Variants in DTL observed in about 807,000 individuals in gnomAD.
The protein encoded by DTL is denticleless E3 ubiquitin protein ligase adapter.
In DTL, 46 loss-of-function variants were observed where a neutral mutation model predicts 87.0. The ratio of observed to expected loss-of-function variants is 0.53; its 90% CI spans 0.42 to 0.68. DTL has a LOEUF of 0.68. DTL is among the 30% of genes least tolerant of loss of function. The pLI, the probability that DTL is intolerant of heterozygous loss-of-function variation, is 0.00. For missense variants in DTL, 737 were observed against 869.4 expected (o/e 0.85, Z 1.91); for synonymous variants, 308 against 311.2 (o/e 0.99, Z 0.11).
Position 212,101,058 on chromosome 1 carries a change from C to T in DTL, c.2068C>T (p.Gln690Ter), listed in dbSNP as rs924804562. Residue 690 changes from glutamine to a stop codon, truncating the protein, a stop_gained, in exon 14 of 15, where the codon CAG becomes TAG. Coordinates refer to ENST00000366991, the MANE Select transcript of DTL (RefSeq NM_016448.4). LOFTEE classifies it high-confidence loss of function. ...PSSQTPNSRRQSGKKLPSPVT... is the reference protein window; with the variant it reads ...PSSQTPNSRR ...ATCCCAGACACCCAATTCCAGGAGA[C>T]AGAGCGGAAAGAAATTGCCAAGCCC... 1 of 1,611,046 alleles carries T rather than the reference C, an allele frequency of 6.2e-7. No individual in the cohort carries two copies. Among genetic ancestry groups the T allele is most frequent in the Non-Finnish European group, 8.5e-7 (1 of 1,178,644 alleles).
chr1:212,093,337 G>A lies in DTL; in HGVS notation c.1262-6915G>A, dbSNP rs890494650. ...TCTTTTAGTTTTGCTGTCTATAGGCGGCTTGTGTTAACCAGCTCTATTAGA... is the reference window on the plus strand; with the variant it reads ...TCTTTTAGTTTTGCTGTCTATAGGCAGCTTGTGTTAACCAGCTCTATTAGA... On this transcript the variant is annotated intron_variant, in intron 13 of 14. Transcript: ENST00000366991. Among the ~76,000 whole-genome samples, 264 of 152,272 alleles carry A rather than the reference G, an allele frequency of 1.7e-3. 5 individuals are homozygous for A. Among genetic ancestry groups the A allele is most frequent in the Non-Finnish European group, 4.1e-4 (28 of 68,020 alleles).
intron 13 of DTL, among the ~76,000 whole-genome samples, chr1:212,097,854 G>A (rs564103950): frequency 6.6e-6 from 1 of 152,178 alleles, no homozygotes; most frequent in Non-Finnish European, 1.5e-5. Context: ...GGTGGACTAT[G>A]TCAGAAGAAA....
In DTL at chr1:212,104,735, A is replaced by G. The variant is rs921310666; in HGVS notation, c.*1795A>G. 4 of 152,200 alleles carry G rather than the reference A, an allele frequency of 2.6e-5. No homozygotes were observed. Among genetic ancestry groups the G allele is most frequent in the African/African-American group, 9.7e-5 (4 of 41,448 alleles). The allele number at this position is 152,200 out of a possible 1,614,324, so 9.4% of individuals were successfully genotyped here. A position where few individuals can be genotyped will look rare whatever the true frequency, so the allele number is the denominator to read the frequency against. ...TGGGTATAACATGTCTCACTTGGAA[A>G]GCTAGTACTTTTAAATGGGTGCCAA... On this transcript the variant is annotated 3_prime_UTR_variant, in exon 15 of 15. Coordinates refer to ENST00000366991, the MANE Select transcript of DTL (RefSeq NM_016448.4).
intron 3 of DTL, 59 bp downstream of exon 3, chr1:212,044,817 T>A: frequency 2.1e-6 from 2 of 972,202 alleles, no homozygotes; most frequent in Non-Finnish European, 3.3e-6. Flanking sequence ...CATCCTCAAG[T>A]ATATTATTAT....
intron 5 of DTL, among the ~76,000 whole-genome samples, chr1:212,054,180 G>C (rs1668085940): frequency 6.6e-6 from 1 of 152,038 alleles, no homozygotes; most frequent in South Asian, 2.1e-4. Context: ...TATGGTACAG[G>C]GGTCAGCCAG....
intron 5 of DTL, among the ~76,000 whole-genome samples, chr1:212,048,478 A>T (rs892715887): frequency 3.3e-5 from 5 of 152,212 alleles, no homozygotes; most frequent in African/African-American, 1.2e-4. Context: ...GGCATGAGCC[A>T]CCACACCCGG....
chr1:212,086,823 C>T (rs1451536165), intron 13 of DTL, among the ~76,000 whole-genome samples: 7 of 152,246 alleles, frequency 4.6e-5, no homozygotes, highest in Middle Eastern at 3.4e-3. Context: ...GGGGTTTTTT[C>T]CTCCCTGAAT....
chr1:212,075,864 C>T (rs991077918), intron 11 of DTL, among the ~76,000 whole-genome samples: 2 of 152,178 alleles, frequency 1.3e-5, no homozygotes, highest in African/African-American at 4.8e-5. Flanking sequence ...TGTCCTTTAA[C>T]AGTCACTCTC....
chr1:212,050,446 G>A (rs1667933619), intron 5 of DTL, among the ~76,000 whole-genome samples: 2 of 152,206 alleles, frequency 1.3e-5, no homozygotes, highest in Admixed American at 6.5e-5. Context: ...AACTTCTAGT[G>A]GATAATTAAA....
In DTL at chr1:212,063,059, A is replaced by G. The variant is rs192404234; in HGVS notation, c.526+110A>G. 68 of 798,274 alleles carry G rather than the reference A, an allele frequency of 8.5e-5. No individual in the cohort carries two copies. In the African/African-American group the frequency reaches 8.5e-4, roughly 10 times the overall value. The allele number at this position is 798,274 out of a possible 1,614,324, so 49.4% of individuals were successfully genotyped here. A position where few individuals can be genotyped will look rare whatever the true frequency, so the allele number is the denominator to read the frequency against. ...TTACCACCAGGGGGCATGTACTCAT[A>G]ATTTCCCATTTCTGCTCACTGTTCC... On this transcript the variant is annotated intron_variant, in intron 6 of 14. Transcript: ENST00000366991.
intron 13 of DTL, among the ~76,000 whole-genome samples, chr1:212,083,172 G>A (rs1558086633): frequency 1.3e-5 from 2 of 152,196 alleles, no homozygotes; most frequent in South Asian, 2.1e-4. Flanking sequence ...ATGGCAGAAG[G>A]CAAGGAGGAG....
intron 7 of DTL, among the ~76,000 whole-genome samples, chr1:212,066,017 A>G (rs1318160310): frequency 3.9e-5 from 6 of 152,358 alleles, no homozygotes; most frequent in African/African-American, 1.2e-4. Context: ...ATTTGACAAA[A>G]TATTGTTAAA....
rs758170384 is a variant in DTL, at chr1:212,072,099, A to T, written c.923-2A>T. 1.2e-6 allele frequency: 2 copies of T among 1,612,648 alleles called. No individual in the cohort carries two copies. Among genetic ancestry groups the T allele is most frequent in the Non-Finnish European group, 1.7e-6 (2 of 1,178,834 alleles). On this transcript the variant is annotated splice_acceptor_variant, in intron 10 of 14. Transcript: ENST00000366991. LOFTEE classifies it high-confidence loss of function. ...AGTAATTTGGTTTTTTTCCTCTGGC[A>T]GTGGCTATTTTCAATGGACACCAGA...
At chr1:212,054,812 AAGG>A (rs1163009324) in intron 5 of DTL, among the ~76,000 whole-genome samples, 4 of 151,732 alleles carry the variant, frequency 2.6e-5, no homozygotes, top group Non-Finnish European at 5.9e-5. Context: ...AAAAAAAAAA[AAGG>A]AGGAAAGTGG....
chr1:212,100,834 G>GT lies in DTL; in HGVS notation c.1845dup (p.Thr616TyrfsTer33). Reference sequence around the variant, plus strand: ...AAATCAAGCAAAATTGAAGGAGCTGGTACCAGTATCTCAGAGCCTCCGTCT... The same window carrying GT: ...AAATCAAGCAAAATTGAAGGAGCTGGTTACCAGTATCTCAGAGCCTCCGTCT... On this transcript the variant is annotated frameshift_variant, in exon 14 of 15. Coordinates refer to ENST00000366991, the MANE Select transcript of DTL (RefSeq NM_016448.4). LOFTEE classifies it high-confidence loss of function. The GT allele has an allele frequency of 1.2e-6, 2 of 1,614,124 alleles. No individual in the cohort carries two copies. The highest frequency in any genetic ancestry group is 1.7e-6 in the Non-Finnish European group (2 of 1,180,010).
intron 10 of DTL, among the ~76,000 whole-genome samples, chr1:212,069,813 G>C (rs1654618534): frequency 6.6e-6 from 1 of 152,044 alleles, no homozygotes; most frequent in Non-Finnish European, 1.5e-5. Flanking sequence ...CAAAGTGCTG[G>C]GATTACAGGC....
chr1:212,064,488 G>A (rs1043328784), intron 6 of DTL, among the ~76,000 whole-genome samples: 2 of 152,172 alleles, frequency 1.3e-5, no homozygotes, highest in African/African-American at 4.8e-5. Flanking sequence ...ATACACAATA[G>A]TTTCACTACT....
At chr1:212,087,278 G>T (rs547255123) in intron 13 of DTL, among the ~76,000 whole-genome samples, 1 of 152,120 alleles carries the variant, frequency 6.6e-6, no homozygotes, top group Non-Finnish European at 1.5e-5. Context: ...GGCTGGGTGC[G>T]GTGGCTCACG....
intron 7 of DTL, 107 bp from the exon 8 acceptor site, chr1:212,066,705 C>A: frequency 1.2e-6 from 1 of 800,918 alleles, no homozygotes; most frequent in Non-Finnish European, 2.1e-6. Flanking sequence ...GACAAGACTT[C>A]ATCTAAGTCA....
Sources: allele counts gnomAD v4.1 joint callset (sites outside exome capture counted in the v4.1 genomes callset), GRCh38; gene constraint gnomAD v4.1.1; transcripts MANE v1.5; gene names NCBI Gene and HGNC (gene_info 2026-07-23, HGNC 2026-07-21).